MPDZ: variants seen among roughly 807,000 people sequenced by gnomAD.
MPDZ encodes the protein multiple PDZ domain crumbs cell polarity complex component, also known as multiple PDZ domain protein.
In MPDZ, 234 loss-of-function variants were observed where a neutral mutation model predicts 239.1. That is an observed-to-expected ratio of 0.98 (90% CI 0.88 to 1.09). The LOEUF is 1.09. Among genes scored for constraint, MPDZ ranks in the 50% least tolerant of loss-of-function variants. The pLI is 0.00. For missense variants in MPDZ, 3,175 were observed against 2,510.0 expected (o/e 1.26, Z -5.66); for synonymous variants, 1,048 against 881.3 (o/e 1.19, Z -3.35).
At chr9:13,160,712 C>T (rs1439889884) in intron 23 of MPDZ, among the ~76,000 whole-genome samples, 1 of 150,726 alleles carries the variant, frequency 6.6e-6, no homozygotes. Flanking sequence ...TCCCTCGTAT[C>T]CTTGGGTCCA....
chr9:13,121,349 C>T (rs1162359323), intron 38 of MPDZ, among the ~76,000 whole-genome samples: 1 of 152,122 alleles, frequency 6.6e-6, no homozygotes, highest in Admixed American at 6.5e-5. Flanking sequence ...CATGGGTCCC[C>T]CACAAAGCAT....
chr9:13,123,449 A>C (rs373585694), intron 35 of MPDZ, among the ~76,000 whole-genome samples, 151 bp from the exon 36 acceptor site: 1 of 152,204 alleles, frequency 6.6e-6, no homozygotes. Context: ...TCAATCTTTT[A>C]ATTATCTTAT....
intron 24 of MPDZ, among the ~76,000 whole-genome samples, chr9:13,151,099 G>A (rs1279938914): frequency 1.3e-5 from 2 of 151,922 alleles, no homozygotes; most frequent in Non-Finnish European, 2.9e-5. Context: ...AGCACAGTAA[G>A]ATACCATCTC....
intron 34 of MPDZ, 54 bp from the exon 35 acceptor site, chr9:13,125,444 C>G: frequency 6.7e-7 from 1 of 1,487,256 alleles, no homozygotes; most frequent in Non-Finnish European, 9.3e-7. Context: ...AATTAGTAGA[C>G]ATACCAATGA....
chr9:13,193,781 C>A (rs1955266720), intron 13 of MPDZ, among the ~76,000 whole-genome samples: 1 of 152,080 alleles, frequency 6.6e-6, no homozygotes, highest in African/African-American at 2.4e-5. Context: ...TCTACTGTTA[C>A]ATTAAATAAT....
chr9:13,220,203 C>T (rs1958920106), intron 7 of MPDZ, among the ~76,000 whole-genome samples: 1 of 151,934 alleles, frequency 6.6e-6, no homozygotes, highest in South Asian at 2.1e-4. Context: ...CAACTTTCTG[C>T]CTGGCTATTT....
At chr9:13,123,775 T>G (rs1196516134) in intron 35 of MPDZ, among the ~76,000 whole-genome samples, 1 of 152,248 alleles carries the variant, frequency 6.6e-6, no homozygotes, top group Non-Finnish European at 1.5e-5. Context: ...TTGGTTCTGA[T>G]GCCTGCTTTT....
Position 13,110,552 on chromosome 9 carries a change from A to T in MPDZ, c.5829+84T>A, listed in dbSNP as rs573678558. On this transcript the variant is annotated intron_variant, in intron 44 of 46. Coordinates refer to ENST00000319217, the MANE Select transcript of MPDZ (RefSeq NM_001378778.1). The stretch of plus-strand genomic sequence containing the variant: ...TAAATAAAATAATAGCAGAAGATTT[A>T]ATCATTTTTACTGCTTTAACATCAA... The T allele has an allele frequency of 5.7e-6, 5 of 883,206 alleles. No individual in the cohort carries two copies. In the East Asian group the frequency reaches 1.0e-4, roughly 18 times the overall value. 54.7% of individuals were successfully genotyped at this position (883,206 alleles called of 1,614,324 possible).
chr9:13,252,568 C>CAAAA, intron 1 of MPDZ, among the ~76,000 whole-genome samples: 1 of 129,728 alleles, frequency 7.7e-6, no homozygotes, highest in South Asian at 2.6e-4. Context: ...CTGTCCCCCG[C>CAAAA]AAAAAAAAAA....
At chr9:13,195,832 A>C (rs954365129) in intron 13 of MPDZ, among the ~76,000 whole-genome samples, 4 of 152,190 alleles carry the variant, frequency 2.6e-5, no homozygotes, top group African/African-American at 9.6e-5. Flanking sequence ...TAAAAATCAG[A>C]AAAATCCTTC....
Position 13,240,244 on chromosome 9 carries a change from T to C in MPDZ, c.183+7391A>G, listed in dbSNP as rs140387634. On this transcript the variant is annotated intron_variant, in intron 3 of 46. Coordinates refer to ENST00000319217, the MANE Select transcript of MPDZ (RefSeq NM_001378778.1). Reference sequence around the variant, plus strand: ...AAAGCCTTACAGAGAAGTATAATTATATAGGAATGGACACATGAAGACTGA... The same window carrying C: ...AAAGCCTTACAGAGAAGTATAATTACATAGGAATGGACACATGAAGACTGA... Among the ~76,000 whole-genome samples the C allele has an allele frequency of 1.4e-3, 209 of 152,114 alleles. 1 individual carries two copies. Among genetic ancestry groups the C allele is most frequent in the Non-Finnish European group, 2.1e-3 (142 of 67,910 alleles).
intron 1 of MPDZ, among the ~76,000 whole-genome samples, chr9:13,278,727 G>C (rs1974828707): frequency 6.6e-6 from 1 of 152,116 alleles, no homozygotes; most frequent in African/African-American, 2.4e-5. Flanking sequence ...AAGGGCGCCG[G>C]TGCCAGGGGT....
intron 23 of MPDZ, among the ~76,000 whole-genome samples, chr9:13,162,127 G>A (rs550986187): frequency 6.6e-6 from 1 of 152,138 alleles, no homozygotes; most frequent in South Asian, 2.1e-4. Context: ...AGCCTGATGT[G>A]GTGGCACACA....
At chr9:13,277,196 C>A in intron 1 of MPDZ, among the ~76,000 whole-genome samples, 1 of 151,964 alleles carries the variant, frequency 6.6e-6, no homozygotes, top group Admixed American at 6.6e-5. Context: ...ACTAAAGATC[C>A]CTCCCTTTCC....
At chr9:13,249,332 T>C (rs1967260083) in intron 2 of MPDZ, among the ~76,000 whole-genome samples, 1 of 152,170 alleles carries the variant, frequency 6.6e-6, no homozygotes, top group Non-Finnish European at 1.5e-5. Flanking sequence ...ACAGTTTAAA[T>C]AATTCTATAT....
chr9:13,221,603 TA>T, intron 6 of MPDZ, 103 bp from the exon 7 acceptor site: 2 of 1,233,434 alleles, frequency 1.6e-6, no homozygotes, highest in South Asian at 3.4e-5. Flanking sequence ...ATTAAATAAT[TA>T]AATTCAGACA....
chr9:13,143,385 C>T (rs1034189988), intron 27 of MPDZ, 81 bp downstream of exon 27: 1 of 1,069,962 alleles, frequency 9.3e-7, no homozygotes, highest in Admixed American at 2.0e-5. Context: ...AAATAGTGAA[C>T]TGGGACAAAG....
At chr9:13,146,643 A>G (rs1366196960) in intron 26 of MPDZ, among the ~76,000 whole-genome samples, 2 of 152,030 alleles carry the variant, frequency 1.3e-5, no homozygotes, top group African/African-American at 4.8e-5. Context: ...TAAGTGCTTC[A>G]GGACATCTAG....
intron 3 of MPDZ, among the ~76,000 whole-genome samples, chr9:13,244,133 A>T (rs1966046475): frequency 6.6e-6 from 1 of 152,216 alleles, no homozygotes; most frequent in Admixed American, 6.5e-5. Context: ...GGGTAAAAAG[A>T]TTAATTTAGT....
Sources: allele counts gnomAD v4.1 joint callset (sites outside exome capture counted in the v4.1 genomes callset), GRCh38; gene constraint gnomAD v4.1.1; transcripts MANE v1.5; gene names NCBI Gene and HGNC (gene_info 2026-07-23, HGNC 2026-07-21).